CLSTN3: variants seen among roughly 807,000 people sequenced by gnomAD.
CLSTN3 encodes calsyntenin 3, also known as calsyntenin-3.
Under a neutral mutation model 95.9 loss-of-function variants are expected in CLSTN3, and 36 were observed. The observed-to-expected ratio is 0.38, with a 90% CI of 0.29 to 0.50. The LOEUF is 0.50. Ranked by LOEUF, CLSTN3 falls within the 20% of genes least tolerant of loss-of-function variation. The pLI is 0.95. For synonymous variants in CLSTN3, 481 were observed against 504.0 expected (o/e 0.95, Z 0.61); for missense variants, 1,084 against 1,268.8 (o/e 0.85, Z 2.21).
At chr12:7,130,244 A>T, upstream of CLSTN3, 1 of 420,508 alleles carries the variant, frequency 2.4e-6, no homozygotes, top group Non-Finnish European at 3.7e-6. Flanking sequence ...AGGAGCCTTG[A>T]AACTCTCCAG....
At position 7,141,047 on chromosome 12, in the gene CLSTN3, T is replaced by G. The variant is rs894584724; in HGVS notation, c.1324-195T>G. Among the ~76,000 whole-genome samples, 5 of 152,218 alleles carry G rather than the reference T, an allele frequency of 3.3e-5. No homozygotes were observed. Among genetic ancestry groups the G allele is most frequent in the Admixed American group, 3.3e-4 (5 of 15,282 alleles). The stretch of plus-strand genomic sequence containing the variant: ...GAAGAGTGGAATCTTTGCTACTAGG[T>G]TGGTTGCCTGATAGATTTTGGACAA... On this transcript the variant is annotated intron_variant, in intron 8 of 17. Coordinates refer to ENST00000266546, the MANE Select transcript of CLSTN3 (RefSeq NM_014718.4). The surrounding 1 kb of genome is among the most constrained non-coding windows in gnomAD (Gnocchi z 4.1).
chr12:7,139,658 T>TA (rs201108207), intron 8 of CLSTN3, among the ~76,000 whole-genome samples: 15 of 20,354 alleles, frequency 7.4e-4, no homozygotes, highest in East Asian at 1.8e-3. Flanking sequence ...TTATTATTAT[T>TA]TTTTTTTTTG....
rs1279193265 is a variant in CLSTN3, at chr12:7,150,090, A to G, written c.2245+397A>G. 6.6e-6 allele frequency among the ~76,000 whole-genome samples: 1 copy of G among 152,292 alleles called. No individual in the cohort carries two copies. The highest frequency in any genetic ancestry group is 2.4e-5 in the African/African-American group (1 of 41,548). ...TGCACACCAGAGCTTTACAAGAAGTACTCATCTCTTAGTGAATAGTGGGAG... is the reference window on the plus strand; with the variant it reads ...TGCACACCAGAGCTTTACAAGAAGTGCTCATCTCTTAGTGAATAGTGGGAG... On this transcript the variant is annotated intron_variant, in intron 14 of 17. Coordinates refer to ENST00000266546, the MANE Select transcript of CLSTN3 (RefSeq NM_014718.4). This position sits in a 1 kb window ranked among gnomAD's most constrained non-coding sequence, Gnocchi z 4.0.
Position 7,130,679 on chromosome 12 carries a change from G to C in CLSTN3, c.31G>C (p.Ala11Pro). The C allele has an allele frequency of 6.4e-7, 1 of 1,574,596 alleles. No homozygotes were observed. The highest frequency in any genetic ancestry group is 8.6e-7 in the Non-Finnish European group (1 of 1,159,152). ...CCTCCTGCTGCTGCCCCTTCTGCTG[G>C]CCTCTCTGCTCGCGTCCTGCTCCTG... The part of the protein sequence containing the change: MTLLLLPLLL[A>P]SLLASCSCNK... The change falls in exon 1 of 18, where the codon GCC becomes CCC. Residue 11 changes from alanine to proline, a missense_variant. By Grantham distance (27) the Ala-to-Pro change is conservative. Coordinates refer to ENST00000266546, the MANE Select transcript of CLSTN3 (RefSeq NM_014718.4).
intron 12 of CLSTN3, among the ~76,000 whole-genome samples, chr12:7,147,485 GTTTCTT>G (rs1277937317): frequency 7.0e-6 from 1 of 143,340 alleles, no homozygotes; most frequent in Non-Finnish European, 1.5e-5. Context: ...AGCCTTGATT[GTTTCTT>G]TTTCTTTTTC....
intron 12 of CLSTN3, among the ~76,000 whole-genome samples, chr12:7,148,173 AAAGAAAGAAAGAAAGAAAGAAAG>A (rs1450720333): frequency 9.0e-6 from 1 of 110,906 alleles, no homozygotes; most frequent in African/African-American, 4.7e-5. Flanking sequence ...AGAAAGAAAG[AAAGAAAGAAAGAAAGAAAGAAAG>A]AAAGAAAGAA....
chr12:7,131,332 A>C (rs1939296820), intron 1 of CLSTN3: 1 of 220,000 alleles, frequency 4.5e-6, no homozygotes, highest in Non-Finnish European at 9.2e-6. Flanking sequence ...GACGGGAGGG[A>C]GGGCTTGCGG....
At chr12:7,145,112 G>C (rs150522675) in intron 12 of CLSTN3, among the ~76,000 whole-genome samples, 5 of 152,164 alleles carry the variant, frequency 3.3e-5, no homozygotes, top group African/African-American at 4.8e-5. Context: ...GAGTTCCTGC[G>C]GGGGGAGGAG....
chr12:7,136,405 C>T lies in CLSTN3; in HGVS notation c.928+14C>T, dbSNP rs150654430. On this transcript the variant is annotated intron_variant, in intron 6 of 17. Coordinates refer to ENST00000266546, the MANE Select transcript of CLSTN3 (RefSeq NM_014718.4). ...GGAAACTCTGTGGTAGGTGTGCCCC[C>T]AACACTGCCTCAGGCCTATCCCTTC... 1.0e-4 allele frequency: 166 copies of T among 1,593,468 alleles called. No individual in the cohort carries two copies. The African/African-American group carries it at 2.0e-3, about 19-fold the overall frequency.
rs1387524556 is a variant in CLSTN3 at position 7,158,037 on chromosome 12, A to G, written c.2827A>G (p.Ser943Gly). ...SDSEVADSPS[S>G]DERRIIETPP... is the part of the protein sequence containing the mutation. ...CTCGGAGGTGGCCGATTCCCCCAGCAGCGACGAGAGACGCATCATCGAGAC... is the reference window on the plus strand; with the variant it reads ...CTCGGAGGTGGCCGATTCCCCCAGCGGCGACGAGAGACGCATCATCGAGAC... Residue 943 changes from serine (S) to glycine (G), a missense_variant, in exon 18 of 18, where the codon AGC (serine) becomes GGC (glycine). Coordinates refer to ENST00000266546, the MANE Select transcript of CLSTN3 (RefSeq NM_014718.4). The G allele has an allele frequency of 5.2e-6, 8 of 1,549,700 alleles. No individual in the cohort carries two copies. Among genetic ancestry groups the G allele is most frequent in the East Asian group, 2.4e-5 (1 of 40,856 alleles).
At chr12:7,143,973 C>G (rs1436888558) in intron 12 of CLSTN3, among the ~76,000 whole-genome samples, 1 of 152,184 alleles carries the variant, frequency 6.6e-6, no homozygotes, top group African/African-American at 2.4e-5. Context: ...GTGGCTCACG[C>G]CTGTAATCCC....
chr12:7,134,578 C>CT (rs1338485759), intron 3 of CLSTN3, among the ~76,000 whole-genome samples: 10 of 152,250 alleles, frequency 6.6e-5, no homozygotes, highest in Non-Finnish European at 1.3e-4. Flanking sequence ...CGGTGCATGA[C>CT]TAGGGAGGGG....
chr12:7,135,289 G>A, intron 3 of CLSTN3, 38 bp from the exon 4 acceptor site: 1 of 1,596,498 alleles, frequency 6.3e-7, no homozygotes, highest in Non-Finnish European at 8.6e-7. Context: ...GAGGCTGGCT[G>A]ACGTGTCTTC....
rs775100523 is a variant in CLSTN3, at chr12:7,157,899, G to T, written c.2731-42G>T. ...CCCTGAAAGAGAGGCTGGGATGTGT[G>T]CAGGCCATTGATCCCTTCTCCTCTC... On this transcript the variant is annotated intron_variant, in intron 17 of 17. Coordinates refer to ENST00000266546, the MANE Select transcript of CLSTN3 (RefSeq NM_014718.4). This position sits in a 1 kb window ranked among gnomAD's most constrained non-coding sequence, Gnocchi z 5.9. 298 of 1,546,524 alleles carry T rather than the reference G, an allele frequency of 1.9e-4. No individual in the cohort carries two copies. The highest frequency in any genetic ancestry group is 2.5e-4 in the Non-Finnish European group (291 of 1,146,776).
At chr12:7,136,139 A>G in intron 5 of CLSTN3, 67 bp from the exon 6 acceptor site, 1 of 1,555,002 alleles carries the variant, frequency 6.4e-7, no homozygotes, top group Non-Finnish European at 8.8e-7. Context: ...TGGCAAGAGG[A>G]GCATGGAGAG....
chr12:7,149,162 G>A lies in CLSTN3; in HGVS notation c.2038G>A (p.Val680Met), dbSNP rs749615053. 4 of 1,614,052 alleles carry A rather than the reference G, an allele frequency of 2.5e-6. No individual in the cohort carries two copies. The highest frequency in any genetic ancestry group is 2.2e-5 in the East Asian group (1 of 44,898). The change falls in exon 13 of 18, where the codon GTG (valine) becomes ATG (methionine). Residue 680 changes from valine to methionine, a missense_variant. Val to Met is a conservative substitution (Grantham distance 21). Transcript: ENST00000266546. This position sits in a 1 kb window ranked among gnomAD's most constrained non-coding sequence, Gnocchi z 4.5. ...LQITCSISHQVEAKKDESWQG... is the reference protein window; with the variant it reads ...LQITCSISHQMEAKKDESWQG... The stretch of plus-strand genomic sequence containing the variant: ...AATCACCTGCTCCATTTCTCACCAG[G>A]TGGAGGCCAAAAAGGATGAGAGTTG...
At chr12:7,153,839 G>C (rs1939767547) in intron 16 of CLSTN3, among the ~76,000 whole-genome samples, 1 of 152,162 alleles carries the variant, frequency 6.6e-6, no homozygotes, top group Admixed American at 6.5e-5. Flanking sequence ...TGTTCTAGGA[G>C]CCCAGCACCT....
intron 12 of CLSTN3, among the ~76,000 whole-genome samples, chr12:7,146,989 C>T (rs1939630896): frequency 1.3e-5 from 2 of 152,198 alleles, no homozygotes; most frequent in African/African-American, 2.4e-5. Context: ...CTGAGCTCAT[C>T]ATGCCTACTG....
chr12:7,129,264 C>A, upstream of CLSTN3: 1 of 209,524 alleles, frequency 4.8e-6, no homozygotes, highest in Non-Finnish European at 9.9e-6. This position sits in a 1 kb window ranked among gnomAD's most constrained non-coding sequence, Gnocchi z 5.5. Flanking sequence ...AGATGAGTTC[C>A]AACAATATCC....
Sources: gnomAD v4.1 joint callset for allele counts (sites outside exome capture counted in the v4.1 genomes callset) on GRCh38, gnomAD v4.1.1 for gene constraint, Gnocchi (gnomAD v3.1) non-coding constraint, MANE v1.5 for transcripts, NCBI Gene and HGNC (gene_info 2026-07-23, HGNC 2026-07-21) for gene names.